Variants in ADAMTSL1 observed in about 807,000 individuals in gnomAD.
The protein encoded by ADAMTSL1 is ADAMTS like 1.
A neutral mutation model predicts 201.8 loss-of-function variants in ADAMTSL1; 126 were observed. The ratio of observed to expected loss-of-function variants is 0.62; its 90% CI spans 0.54 to 0.72. ADAMTSL1 has a LOEUF of 0.72. Ranked by LOEUF, ADAMTSL1 falls within the 30% of genes least tolerant of loss-of-function variation. The pLI, the probability that ADAMTSL1 is intolerant of heterozygous loss-of-function variation, is 0.00. For synonymous variants in ADAMTSL1, 1,121 were observed against 903.4 expected (o/e 1.24, Z -4.32); for missense variants, 2,679 against 2,277.8 (o/e 1.18, Z -3.59).
intron 15 of ADAMTSL1, among the ~76,000 whole-genome samples, chr9:18,744,882 C>T (rs578175243): frequency 3.3e-5 from 5 of 152,172 alleles, no homozygotes; most frequent in African/African-American, 9.6e-5. Flanking sequence ...AACGTCTCTC[C>T]ATGTGTGTTT....
chr9:18,718,108 G>C, intron 14 of ADAMTSL1: 1 of 1,252,260 alleles, frequency 8.0e-7, no homozygotes, highest in African/African-American at 1.5e-5. Context: ...AGAATGCACA[G>C]TTGTTCCATT....
At chr9:18,101,938 C>G (rs906644573) in intron 1 of ADAMTSL1, among the ~76,000 whole-genome samples, 2 of 152,122 alleles carry the variant, frequency 1.3e-5, no homozygotes, top group African/African-American at 4.8e-5. Context: ...GTAGTGGTGA[C>G]AGGGATGTCA....
intron 4 of ADAMTSL1, among the ~76,000 whole-genome samples, chr9:18,606,198 G>A (rs140738140): frequency 6.6e-6 from 1 of 152,066 alleles, no homozygotes; most frequent in African/African-American, 2.4e-5. Flanking sequence ...CTCTGTTTAA[G>A]GTAATAACCG....
chr9:17,907,934 C>A (rs969735127), intron 1 of ADAMTSL1, among the ~76,000 whole-genome samples: 3 of 152,164 alleles, frequency 2.0e-5, no homozygotes, highest in Non-Finnish European at 4.4e-5. Context: ...GAATTACCGC[C>A]AGATAGCCTC....
intron 13 of ADAMTSL1, among the ~76,000 whole-genome samples, chr9:18,692,622 C>T (rs562613527): frequency 1.3e-5 from 2 of 152,216 alleles, no homozygotes; most frequent in African/African-American, 4.8e-5. Flanking sequence ...AAAGCTTTGC[C>T]AAACATGTTG....
intron 2 of ADAMTSL1, among the ~76,000 whole-genome samples, chr9:18,209,543 G>T (rs1829786682): frequency 6.6e-6 from 1 of 152,106 alleles, no homozygotes; most frequent in Non-Finnish European, 1.5e-5. Context: ...AAGCTAAAGG[G>T]AGGTCCCGAT....
chr9:18,863,602 T>C (rs552279023), intron 23 of ADAMTSL1, among the ~76,000 whole-genome samples: 1 of 152,264 alleles, frequency 6.6e-6, no homozygotes, highest in African/African-American at 2.4e-5. Flanking sequence ...AGCTGACAAA[T>C]GGAGGGAGTA....
intron 1 of ADAMTSL1, among the ~76,000 whole-genome samples, chr9:17,983,056 TTTTCTTTCTTTC>T (rs1268062033): frequency 1.0e-5 from 1 of 98,926 alleles, no homozygotes; most frequent in Non-Finnish European, 2.1e-5. Flanking sequence ...TTTCTTTTTC[TTTTCTTTCTTTC>T]TTTCTTTCTT....
chr9:18,122,674 G>A lies in ADAMTSL1; in HGVS notation c.88-41188G>A, dbSNP rs564625753. Among the ~76,000 whole-genome samples, 4 of 152,296 alleles carry A rather than the reference G, an allele frequency of 2.6e-5. No homozygotes were observed. In the South Asian group the frequency reaches 8.3e-4, roughly 32 times the overall value. The stretch of plus-strand genomic sequence containing the variant: ...CAAAATAAAGGAATATATTCATAGA[G>A]ATTAGCTGAAATTTTGGAGGATGAG... On this transcript the variant is annotated intron_variant, in intron 1 of 29. Transcript: ENST00000680146.
chr9:18,310,253 A>G (rs117010421), intron 2 of ADAMTSL1, among the ~76,000 whole-genome samples: 36 of 151,884 alleles, frequency 2.4e-4, no homozygotes, highest in Non-Finnish European at 4.4e-4. Context: ...AACCTAGGCA[A>G]TAGCATTTAG....
At chr9:18,526,531 C>A (rs1418779903) in intron 2 of ADAMTSL1, among the ~76,000 whole-genome samples, 1 of 152,188 alleles carries the variant, frequency 6.6e-6, no homozygotes, top group African/African-American at 2.4e-5. Context: ...TTCTTCCCAG[C>A]ATCAATGGTC....
intron 2 of ADAMTSL1, among the ~76,000 whole-genome samples, chr9:18,509,843 C>T (rs1164936286): frequency 6.6e-6 from 1 of 152,164 alleles, no homozygotes; most frequent in Non-Finnish European, 1.5e-5. Context: ...TTCAATCTAG[C>T]ATGAATAGTC....
In ADAMTSL1 at chr9:18,691,871, T is replaced by C. The variant is rs564541581; in HGVS notation, c.1574+7071T>C. On this transcript the variant is annotated intron_variant, in intron 13 of 28. Coordinates refer to ENST00000380548, the MANE Select transcript of ADAMTSL1 (RefSeq NM_001040272.6). Reference sequence around the variant, plus strand: ...TACCTGGTATGCAGGAAGTGCTATGTATATAAATTTTTGTTGTGATTAGGC... The same window carrying C: ...TACCTGGTATGCAGGAAGTGCTATGCATATAAATTTTTGTTGTGATTAGGC... Among the ~76,000 whole-genome samples the C allele has an allele frequency of 2.0e-5, 3 of 152,300 alleles. No individual in the cohort carries two copies. The South Asian group carries it at 6.2e-4, about 32-fold the overall frequency.
chr9:18,172,360 G>A (rs1019253244), intron 2 of ADAMTSL1, among the ~76,000 whole-genome samples: 103 of 152,090 alleles, frequency 6.8e-4, no homozygotes, highest in African/African-American at 2.4e-3. Flanking sequence ...ACACATGGAT[G>A]GCTAATACAC....
intron 1 of ADAMTSL1, among the ~76,000 whole-genome samples, chr9:17,963,540 G>A (rs1817844272): frequency 6.6e-6 from 1 of 152,250 alleles, no homozygotes; most frequent in South Asian, 2.1e-4. Flanking sequence ...AGGGAATCAA[G>A]AGAAATCAAT....
intron 2 of ADAMTSL1, among the ~76,000 whole-genome samples, chr9:18,436,275 C>T (rs112724063): frequency 2.6e-5 from 4 of 152,214 alleles, no homozygotes; most frequent in South Asian, 2.1e-4. Flanking sequence ...CAGCCACTCA[C>T]CTCTTCCATT....
intron 3 of ADAMTSL1, among the ~76,000 whole-genome samples, chr9:18,548,849 T>C (rs1328129926): frequency 6.6e-6 from 1 of 151,906 alleles, no homozygotes; most frequent in Admixed American, 6.6e-5. Flanking sequence ...AATTCAAAAA[T>C]CTAGTAATTG....
intron 1 of ADAMTSL1, among the ~76,000 whole-genome samples, chr9:18,140,907 G>A (rs1473883250): frequency 6.6e-6 from 1 of 152,224 alleles, no homozygotes; most frequent in Non-Finnish European, 1.5e-5. Flanking sequence ...AAAACAATGA[G>A]AGGGAGGCAA....
chr9:18,678,974 T>C (rs879453028), intron 10 of ADAMTSL1, among the ~76,000 whole-genome samples: 25 of 152,312 alleles, frequency 1.6e-4, no homozygotes, highest in Admixed American at 7.2e-4. Context: ...CATTTTCTTA[T>C]GTGTCTCCTG....
Sources: gnomAD v4.1 joint callset for allele counts (sites outside exome capture counted in the v4.1 genomes callset) on GRCh38, gnomAD v4.1.1 for gene constraint, MANE v1.5 for transcripts, NCBI Gene and HGNC (gene_info 2026-07-23, HGNC 2026-07-21) for gene names.